The following PPP1R9A variants were observed in gnomAD, a reference collection of about 807,000 sequenced individuals.
PPP1R9A encodes the protein protein phosphatase 1 regulatory subunit 9A, also known as neurabin-1.
In PPP1R9A, 59 loss-of-function variants were observed where a neutral mutation model predicts 141.9. The ratio of observed to expected loss-of-function variants is 0.42; its 90% CI spans 0.34 to 0.52. The LOEUF is 0.52. PPP1R9A is among the 20% of genes least tolerant of loss of function. PPP1R9A has a pLI of 0.10. For synonymous variants in PPP1R9A, 500 were observed against 569.7 expected (o/e 0.88, Z 1.74); for missense variants, 1,444 against 1,611.9 (o/e 0.90, Z 1.78).
At chr7:95,204,494 CATT>C (rs1790267011) in intron 7 of PPP1R9A, among the ~76,000 whole-genome samples, 1 of 152,190 alleles carries the variant, frequency 6.6e-6, no homozygotes, top group African/African-American at 2.4e-5. Flanking sequence ...TAGCAACAGT[CATT>C]GTCACCAAAG....
In PPP1R9A at chr7:95,247,454, CTTTCT is replaced by C; in HGVS notation, c.2113-14_2113-10del. On this transcript the variant is annotated splice_polypyrimidine_tract_variant and intron_variant, in intron 8 of 19. Transcript: ENST00000433360. ...TACACTTTCTTAGTTCAGATTTTTT[CTTTCT>C]TTTCAATTTTCAGTTGCAAATCAAA... The C allele has an allele frequency of 6.3e-7, 1 of 1,588,992 alleles. No individual in the cohort carries two copies. The highest frequency in any genetic ancestry group is 8.6e-7 in the Non-Finnish European group (1 of 1,161,140).
rs1222310551 is a variant in PPP1R9A, at chr7:95,293,948, A to G, written c.*3645A>G. 3 of 152,364 alleles carry G rather than the reference A, an allele frequency of 2.0e-5. No individual in the cohort carries two copies. In the East Asian group the frequency reaches 5.8e-4, roughly 29 times the overall value. The allele number at this position is 152,364 out of a possible 1,614,324, so 9.4% of individuals were successfully genotyped here. A position where few individuals can be genotyped will look rare whatever the true frequency, so the allele number is the denominator to read the frequency against. On this transcript the variant is annotated 3_prime_UTR_variant, in exon 20 of 20. Coordinates refer to ENST00000433360, the MANE Select transcript of PPP1R9A (RefSeq NM_001166160.2). ...AGAGGATTCTAAAGGAAGCTGCCCC[A>G]GCAGCCCTGAGAGAACCATCTATAC...
At chr7:95,249,496 A>G (rs931157268) in intron 9 of PPP1R9A, among the ~76,000 whole-genome samples, 2 of 152,078 alleles carry the variant, frequency 1.3e-5, no homozygotes, top group African/African-American at 4.8e-5. Flanking sequence ...GAGAACTTCA[A>G]TTACATGTCC....
In PPP1R9A at chr7:95,239,833, A is replaced by G. The variant is rs556265617; in HGVS notation, c.2113-7640A>G. Among the ~76,000 whole-genome samples, 3 of 152,020 alleles carry G rather than the reference A, an allele frequency of 2.0e-5. No homozygotes were observed. The East Asian group carries it at 5.8e-4, about 29-fold the overall frequency. ...AAATTAAAAATTAAGAACAAAATAT[A>G]ATTTGAATTCAAATAATCATTTGAA... On this transcript the variant is annotated intron_variant, in intron 8 of 19. Transcript: ENST00000433360.
chr7:94,977,839 T>G (rs996171634), intron 2 of PPP1R9A, among the ~76,000 whole-genome samples: 3 of 151,244 alleles, frequency 2.0e-5, no homozygotes, highest in Non-Finnish European at 4.4e-5. Flanking sequence ...CTCGGCTCAC[T>G]GCAACCACTG....
chr7:95,236,706 A>T (rs1796724581), intron 8 of PPP1R9A, among the ~76,000 whole-genome samples: 1 of 151,342 alleles, frequency 6.6e-6, no homozygotes, highest in African/African-American at 2.4e-5. Flanking sequence ...AAGAAAAAAA[A>T]CAAAGACCAA....
intron 2 of PPP1R9A, among the ~76,000 whole-genome samples, chr7:95,098,548 C>T (rs1466826148): frequency 6.6e-6 from 1 of 152,148 alleles, no homozygotes; most frequent in African/African-American, 2.4e-5. Context: ...TTAAGATCCT[C>T]ACCCACTTAT....
At chr7:95,142,030 C>T (rs543811742) in intron 4 of PPP1R9A, among the ~76,000 whole-genome samples, 253 of 151,936 alleles carry the variant, frequency 1.7e-3, no homozygotes, top group African/African-American at 5.8e-3. Flanking sequence ...TCCTCATGAG[C>T]GCTTGTTTTT....
At chr7:95,170,022 G>A (rs1427133977) in intron 5 of PPP1R9A, among the ~76,000 whole-genome samples, 2 of 127,320 alleles carry the variant, frequency 1.6e-5, no homozygotes, top group Non-Finnish European at 3.8e-5. Flanking sequence ...GGCTGAGTAT[G>A]ATAAGTAGAT....
chr7:95,008,387 C>T (rs1803919887), intron 2 of PPP1R9A, among the ~76,000 whole-genome samples: 1 of 152,076 alleles, frequency 6.6e-6, no homozygotes, highest in African/African-American at 2.4e-5. Context: ...ATAGATTTAT[C>T]TCTATTTGCC....
intron 2 of PPP1R9A, among the ~76,000 whole-genome samples, chr7:95,005,506 C>T (rs1459518588): frequency 2.6e-5 from 4 of 152,076 alleles, no homozygotes; most frequent in Admixed American, 6.6e-5. Context: ...TATTCAGAAT[C>T]GCACAGATTT....
intron 4 of PPP1R9A, among the ~76,000 whole-genome samples, chr7:95,142,699 A>AT (rs1369394173): frequency 1.3e-5 from 2 of 152,018 alleles, no homozygotes; most frequent in African/African-American, 2.4e-5. Flanking sequence ...GACAAGATTA[A>AT]TTTTTTTAAT....
At chr7:95,273,354 G>C (rs575368459) in intron 14 of PPP1R9A, among the ~76,000 whole-genome samples, 1 of 152,276 alleles carries the variant, frequency 6.6e-6, no homozygotes, top group Admixed American at 6.5e-5. Flanking sequence ...CTCTGTTCCA[G>C]GACCGGCCAC....
At chr7:95,023,461 A>G (rs1391530496) in intron 2 of PPP1R9A, among the ~76,000 whole-genome samples, 5 of 151,568 alleles carry the variant, frequency 3.3e-5, no homozygotes, top group African/African-American at 9.7e-5. Context: ...ATGGTTTTTC[A>G]TGTCTCTATC....
chr7:95,068,473 GAAAAAAAAAAAA>G (rs36043693), intron 2 of PPP1R9A, among the ~76,000 whole-genome samples: 1 of 94,214 alleles, frequency 1.1e-5, no homozygotes, highest in East Asian at 3.6e-4. Flanking sequence ...CTTGTCTCAA[GAAAAAAAAAAAA>G]AAAAAAAAAA....
At chr7:94,965,134 C>A (rs180939042) in intron 2 of PPP1R9A, among the ~76,000 whole-genome samples, 27 of 151,084 alleles carry the variant, frequency 1.8e-4, no homozygotes, top group Admixed American at 1.1e-3. Context: ...AGTGTCTGTT[C>A]ATATTCTTTG....
At chr7:94,957,040 C>G (rs1797146837) in intron 2 of PPP1R9A, among the ~76,000 whole-genome samples, 1 of 152,118 alleles carries the variant, frequency 6.6e-6, no homozygotes, top group Admixed American at 6.6e-5. Flanking sequence ...ATAAATGGGA[C>G]TTATGAAATG....
intron 2 of PPP1R9A, among the ~76,000 whole-genome samples, chr7:94,971,308 C>T (rs1326674644): frequency 6.6e-6 from 1 of 152,086 alleles, no homozygotes; most frequent in Non-Finnish European, 1.5e-5. Context: ...TATTAATGGG[C>T]AAATGGCATT....
At chr7:95,056,414 C>G (rs960702872) in intron 2 of PPP1R9A, among the ~76,000 whole-genome samples, 4 of 152,124 alleles carry the variant, frequency 2.6e-5, no homozygotes, top group African/African-American at 7.2e-5. Flanking sequence ...CAGTATAACA[C>G]TGGAGTACTT....
Sources: allele counts gnomAD v4.1 joint callset (sites outside exome capture counted in the v4.1 genomes callset), GRCh38; gene constraint gnomAD v4.1.1; transcripts MANE v1.5; gene names NCBI Gene and HGNC (gene_info 2026-07-23, HGNC 2026-07-21).